SND1: variants seen among roughly 807,000 people sequenced by gnomAD.
SND1 encodes staphylococcal nuclease and tudor domain containing 1, also known as staphylococcal nuclease domain-containing protein 1.
SND1 carries 38 observed loss-of-function variants against 121.7 expected under a neutral mutation model. The ratio of observed to expected loss-of-function variants is 0.31; its 90% CI spans 0.24 to 0.41. The LOEUF is 0.41. Among genes scored for constraint, SND1 ranks in the 10% least tolerant of loss-of-function variants. SND1 has a pLI of 1.00. For synonymous variants in SND1, 401 were observed against 447.4 expected (o/e 0.90, Z 1.31); for missense variants, 868 against 1,184.6 (o/e 0.73, Z 3.92).
At chr7:128,063,804 G>A (rs550346746) in intron 16 of SND1, among the ~76,000 whole-genome samples, 70 of 152,338 alleles carry the variant, frequency 4.6e-4, no homozygotes, top group African/African-American at 1.6e-3. Context: ...GTCATAGGAC[G>A]GAACATTCCA....
intron 14 of SND1, among the ~76,000 whole-genome samples, chr7:127,914,523 A>T (rs900510277): frequency 5.3e-5 from 8 of 152,114 alleles, no homozygotes; most frequent in Non-Finnish European, 7.4e-5. Context: ...ATATGTGTGC[A>T]TTGGTTTTCC....
At chr7:127,776,620 A>G (rs1797625094) in intron 10 of SND1, among the ~76,000 whole-genome samples, 1 of 152,242 alleles carries the variant, frequency 6.6e-6, no homozygotes, top group South Asian at 2.1e-4. Flanking sequence ...ACATATTTAC[A>G]CATGTGAACA....
intron 15 of SND1, among the ~76,000 whole-genome samples, chr7:127,987,170 C>T (rs1045165760): frequency 6.6e-6 from 1 of 152,204 alleles, no homozygotes; most frequent in African/African-American, 2.4e-5. Context: ...TTCATATTTA[C>T]AGTCTGAGGC....
At chr7:127,831,611 A>G (rs1432135349) in intron 11 of SND1, among the ~76,000 whole-genome samples, 1 of 152,242 alleles carries the variant, frequency 6.6e-6, no homozygotes, top group African/African-American at 2.4e-5. Flanking sequence ...CCTGCCCTGC[A>G]TAATCCTTAC....
intron 12 of SND1, among the ~76,000 whole-genome samples, chr7:127,861,509 C>A (rs1308068650): frequency 6.6e-6 from 1 of 152,178 alleles, no homozygotes; most frequent in Non-Finnish European, 1.5e-5. Context: ...GAGTCTCACT[C>A]TGTTGCCTAG....
At chr7:127,843,760 C>T (rs1799006947) in intron 11 of SND1, among the ~76,000 whole-genome samples, 1 of 152,170 alleles carries the variant, frequency 6.6e-6, no homozygotes, top group African/African-American at 2.4e-5. Flanking sequence ...GAGCTGTATT[C>T]CTGGATCAAA....
rs1171262447 is a variant in SND1 at position 128,085,429 on chromosome 7, A to G, written c.2235-282A>G. ...AGTGCACTGGGTTTAAACAGCAGAC[A>G]TCAATCTAGTCATTAGTCTTGTTGC... is the stretch of plus-strand genomic sequence containing the variant. On this transcript the variant is annotated intron_variant, in intron 19 of 23. Transcript: ENST00000354725. The surrounding 1 kb of genome is among the most constrained non-coding windows in gnomAD (Gnocchi z 4.4). Among the ~76,000 whole-genome samples, 1 of 152,232 alleles carries G rather than the reference A, an allele frequency of 6.6e-6. No individual in the cohort carries two copies. The highest frequency in any genetic ancestry group is 1.5e-5 in the Non-Finnish European group (1 of 68,036).
intron 14 of SND1, among the ~76,000 whole-genome samples, chr7:127,925,765 A>G (rs4731386): frequency 0.59 from 90,109 of 151,618 alleles, 27,186 homozygotes; most frequent in East Asian, 0.75. Flanking sequence ...TGCTATACCC[A>G]ACTAATTTTT....
At chr7:127,749,424 T>C (rs1312457133) in intron 10 of SND1, among the ~76,000 whole-genome samples, 2 of 152,198 alleles carry the variant, frequency 1.3e-5, no homozygotes, top group East Asian at 3.9e-4. Context: ...GGGCTGTCAT[T>C]GAAGGCTCTT....
At chr7:127,878,095 G>A (rs58341788) in intron 12 of SND1, among the ~76,000 whole-genome samples, 9,853 of 151,960 alleles carry the variant, frequency 0.065, 420 homozygotes, top group Middle Eastern at 0.19. Context: ...ATCCTTTTGA[G>A]TTCTTAAAAT....
At chr7:127,804,931 A>T (rs755307851) in intron 10 of SND1, among the ~76,000 whole-genome samples, 49 of 152,144 alleles carry the variant, frequency 3.2e-4, no homozygotes, top group Non-Finnish European at 5.6e-4. Flanking sequence ...GTACGCTGAC[A>T]CTTCTTTATT....
At chr7:128,044,880 T>C (rs2097137886) in intron 16 of SND1, among the ~76,000 whole-genome samples, 1 of 152,172 alleles carries the variant, frequency 6.6e-6, no homozygotes, top group African/African-American at 2.4e-5. Flanking sequence ...CATTTATCTC[T>C]GAGGCCTGCT....
Position 127,956,763 on chromosome 7 carries a change from T to C in SND1, c.1669+27434T>C, listed in dbSNP as rs948652355. Among the ~76,000 whole-genome samples, 6 of 152,394 alleles carry C rather than the reference T, an allele frequency of 3.9e-5. No individual in the cohort carries two copies. The East Asian group carries it at 7.7e-4, about 20-fold the overall frequency. ...ATACGTGTTTACACATCTGCACGTG[T>C]GCATGTGTGCATAATTTTTTGCTAC... On this transcript the variant is annotated intron_variant, in intron 15 of 23. Coordinates refer to ENST00000354725, the MANE Select transcript of SND1 (RefSeq NM_014390.4).
At chr7:127,954,662 T>C (rs749370869) in intron 15 of SND1, among the ~76,000 whole-genome samples, 12 of 152,286 alleles carry the variant, frequency 7.9e-5, no homozygotes, top group South Asian at 4.1e-4. Context: ...AGTAATTATA[T>C]TGTAAAATAA....
chr7:127,664,990 C>A (rs1795387612), intron 1 of SND1, among the ~76,000 whole-genome samples: 1 of 152,058 alleles, frequency 6.6e-6, no homozygotes, highest in Admixed American at 6.6e-5. Context: ...ACGGAGAACA[C>A]TTGTTTTTTA....
chr7:127,851,332 C>G (rs771492875), intron 12 of SND1, among the ~76,000 whole-genome samples: 2 of 152,164 alleles, frequency 1.3e-5, no homozygotes, highest in African/African-American at 2.4e-5. Context: ...ATGGAGAGCC[C>G]AGGAGAGAGT....
At chr7:127,819,160 T>C (rs996420364) in intron 11 of SND1, among the ~76,000 whole-genome samples, 6 of 152,182 alleles carry the variant, frequency 3.9e-5, no homozygotes, top group African/African-American at 1.4e-4. Context: ...TGGAAGGAAC[T>C]GTTTTATTTC....
intron 15 of SND1, among the ~76,000 whole-genome samples, chr7:127,982,702 G>A (rs1042285826): frequency 6.6e-6 from 1 of 152,196 alleles, no homozygotes; most frequent in Non-Finnish European, 1.5e-5. Flanking sequence ...TTTTCTTTGG[G>A]CCATTTTAGG....
chr7:127,844,679 A>G (rs1799024842), intron 12 of SND1, among the ~76,000 whole-genome samples: 1 of 152,234 alleles, frequency 6.6e-6, no homozygotes, highest in African/African-American at 2.4e-5. Flanking sequence ...TGAAGTACAC[A>G]TCATTACTAT....
Sources: allele counts gnomAD v4.1 joint callset (sites outside exome capture counted in the v4.1 genomes callset), GRCh38; gene constraint gnomAD v4.1.1; non-coding constraint Gnocchi (gnomAD v3.1); transcripts MANE v1.5; gene names NCBI Gene and HGNC (gene_info 2026-07-23, HGNC 2026-07-21).